ANKRD6: variants seen among roughly 807,000 people sequenced by gnomAD.
ANKRD6 encodes the protein ankyrin repeat domain-containing protein 6.
Under a neutral mutation model 82.3 loss-of-function variants are expected in ANKRD6, and 56 were observed. The ratio of observed to expected loss-of-function variants is 0.68; its 90% CI spans 0.55 to 0.85. ANKRD6 has a LOEUF of 0.85. Ranked by LOEUF, ANKRD6 falls within the 40% of genes least tolerant of loss-of-function variation. The probability of loss-of-function intolerance (pLI) is 0.00; values close to 1 mark genes in which losing one functional copy is unlikely to be tolerated. For missense variants in ANKRD6, 852 were observed against 907.6 expected, an observed-to-expected ratio of 0.94 and a Z score of 0.79; for synonymous variants, 347 against 352.1, an observed-to-expected ratio of 0.99 and a Z score of 0.16.
rs573155855 is a variant in ANKRD6 at position 89,544,279 on chromosome 6, G to A, written c.-143-22555G>A. 2.6e-5 allele frequency among the ~76,000 whole-genome samples: 4 copies of A among 152,336 alleles called. No homozygotes were observed. In the South Asian group the frequency reaches 6.2e-4, roughly 24 times the overall value. The stretch of plus-strand genomic sequence containing the variant: ...GCCGCAAGGAGCCATCCCAATGTCC[G>A]CAGACCAGCTTTAGGTGTCTGCCGG... On this transcript the variant is annotated intron_variant, in intron 1 of 15. Coordinates refer to ENST00000339746, the MANE Select transcript of ANKRD6 (RefSeq NM_001242809.2).
At position 89,630,665 on chromosome 6, in the gene ANKRD6, C is replaced by G; in HGVS notation, c.1845C>G (p.Asn615Lys). Reference sequence around the variant, plus strand: ...ATCAGCAGGCTGGGCCCTGCGTCAACAGAGGCACTCAAACTAAGAAGTCTG... The same window carrying G: ...ATCAGCAGGCTGGGCCCTGCGTCAAGAGAGGCACTCAAACTAAGAAGTCTG... ...RSDQQAGPCV[N>K]RGTQTKKSGK... The change falls in exon 16 of 16, where the codon AAC becomes AAG. Residue 615 changes from asparagine (N) to lysine (K), a missense_variant. By Grantham distance (94) the Asn-to-Lys change is moderately conservative. Coordinates refer to ENST00000339746, the MANE Select transcript of ANKRD6 (RefSeq NM_001242809.2). 1 of 1,613,992 alleles carries G rather than the reference C, an allele frequency of 6.2e-7. No homozygotes were observed. The highest frequency in any genetic ancestry group is 8.5e-7 in the Non-Finnish European group (1 of 1,179,868).
chr6:89,587,675 C>T (rs1285866007), intron 2 of ANKRD6, among the ~76,000 whole-genome samples: 1 of 152,234 alleles, frequency 6.6e-6, no homozygotes, highest in Non-Finnish European at 1.5e-5. Flanking sequence ...GAATTACCCT[C>T]TGCCCCCATT....
chr6:89,514,438 A>G (rs770227893), intron 1 of ANKRD6, among the ~76,000 whole-genome samples: 2 of 151,974 alleles, frequency 1.3e-5, no homozygotes, highest in Non-Finnish European at 2.9e-5. Flanking sequence ...CTCATCAGCT[A>G]TTGTTAGTGT....
At chr6:89,509,181 G>T (rs1369039771) in intron 1 of ANKRD6, 1 of 152,342 alleles carries the variant, frequency 6.6e-6, no homozygotes, top group Non-Finnish European at 1.5e-5. Flanking sequence ...TGTCTTGCTG[G>T]CAGCAAGTGG....
At chr6:89,611,423 C>T (rs1463552236) in intron 5 of ANKRD6, among the ~76,000 whole-genome samples, 2 of 152,202 alleles carry the variant, frequency 1.3e-5, no homozygotes, top group Non-Finnish European at 2.9e-5. Context: ...ACAATGTCAC[C>T]TATCACACGG....
chr6:89,435,977 A>G (rs1770590865), intron 1 of ANKRD6, among the ~76,000 whole-genome samples: 1 of 152,196 alleles, frequency 6.6e-6, no homozygotes, highest in Non-Finnish European at 1.5e-5. Context: ...TAAGGCAAAG[A>G]TTCTGAAACT....
chr6:89,608,224 C>T (rs1018164081), intron 5 of ANKRD6, among the ~76,000 whole-genome samples: 2 of 152,052 alleles, frequency 1.3e-5, no homozygotes, highest in African/African-American at 4.8e-5. Flanking sequence ...GAATTTCCCA[C>T]AGTGCACTGC....
chr6:89,485,945 C>T (rs56106315), intron 1 of ANKRD6, among the ~76,000 whole-genome samples: 9,063 of 152,010 alleles, frequency 0.06, 289 homozygotes, highest in South Asian at 0.13. Flanking sequence ...CTGAAGCATG[C>T]GTTTTAATTA....
chr6:89,628,934 A>G, intron 14 of ANKRD6, 178 bp from the exon 15 acceptor site: 2 of 634,150 alleles, frequency 3.2e-6, no homozygotes, highest in Non-Finnish European at 2.6e-6. Context: ...TGAGATTTGG[A>G]GGGGTCAAAT....
chr6:89,551,233 A>G (rs1785805868), intron 1 of ANKRD6, among the ~76,000 whole-genome samples: 2 of 152,176 alleles, frequency 1.3e-5, no homozygotes, highest in Admixed American at 1.3e-4. Flanking sequence ...ACCTATCGTC[A>G]GTAGCTGCAT....
In ANKRD6 at chr6:89,632,256, T is replaced by C. The variant is rs76045374; in HGVS notation, c.*1252T>C. On this transcript the variant is annotated 3_prime_UTR_variant, in exon 16 of 16. Transcript: ENST00000339746. ...AAAGAGAAGAAATGATTTATTAACA[T>C]GGGGACACCAAGAAAAACAAAGTAT... 6.6e-5 allele frequency: 10 copies of C among 152,354 alleles called. No homozygotes were observed. The highest frequency in any genetic ancestry group is 1.3e-4 in the Admixed American group (2 of 15,302). The allele number at this position is 152,354 out of a possible 1,614,324, so 9.4% of individuals were successfully genotyped here. A position where few individuals can be genotyped will look rare whatever the true frequency, so the allele number is the denominator to read the frequency against.
rs71024383 is a variant in ANKRD6 at position 89,578,286 on chromosome 6, C to CTTTTTTTTTTTTT, written c.120+11204_120+11216dup. On this transcript the variant is annotated intron_variant, in intron 2 of 15. Transcript: ENST00000339746. ...ATTAGCTTTTTCCCCCTCCCGCCTC[C>CTTTTTTTTTTTTT]TTTTTTTTTTTTTTTTTTTTTTTTT... is the stretch of plus-strand genomic sequence containing the variant. 8.4e-5 allele frequency among the ~76,000 whole-genome samples: 10 copies of CTTTTTTTTTTTTT among 119,098 alleles called. 5 individuals are homozygous for CTTTTTTTTTTTTT. Among genetic ancestry groups the CTTTTTTTTTTTTT allele is most frequent in the Non-Finnish European group, 3.4e-5 (2 of 58,470 alleles). The allele number at this position is 119,098 out of a possible 152,430, so 78.1% of individuals were successfully genotyped here.
intron 1 of ANKRD6, among the ~76,000 whole-genome samples, chr6:89,485,989 A>G (rs929465784): frequency 2.0e-5 from 3 of 152,244 alleles, no homozygotes; most frequent in Non-Finnish European, 2.9e-5. Context: ...TAATTTATTT[A>G]AAGAAAATTC....
chr6:89,492,338 G>A (rs1778112892), intron 1 of ANKRD6, among the ~76,000 whole-genome samples: 1 of 152,180 alleles, frequency 6.6e-6, no homozygotes, highest in Admixed American at 6.5e-5. Flanking sequence ...GTAATTCCTT[G>A]TTTGTAGAGG....
intron 1 of ANKRD6, among the ~76,000 whole-genome samples, chr6:89,438,688 G>A (rs1391808333): frequency 1.3e-5 from 2 of 151,966 alleles, no homozygotes; most frequent in Admixed American, 6.6e-5. Context: ...TGTTGCCTAG[G>A]CTGGAGTGCA....
chr6:89,497,566 G>A (rs756774772), intron 1 of ANKRD6, among the ~76,000 whole-genome samples: 1 of 152,076 alleles, frequency 6.6e-6, no homozygotes, highest in Non-Finnish European at 1.5e-5. Context: ...AAACTGTCTT[G>A]TTTTCTAAAT....
chr6:89,462,651 A>G (rs1432828484), intron 1 of ANKRD6, among the ~76,000 whole-genome samples: 1 of 152,146 alleles, frequency 6.6e-6, no homozygotes, highest in East Asian at 1.9e-4. Flanking sequence ...TCTGTCTTTC[A>G]TATTTAATAT....
chr6:89,632,922 T>C lies in ANKRD6; in HGVS notation c.*1918T>C, dbSNP rs1388767740. ...AAATCCTGAGTTCAGTAGGCTGTGT[T>C]CCAAGCAGGAATTATTTTCACTTAC... On this transcript the variant is annotated 3_prime_UTR_variant, in exon 16 of 16. Transcript: ENST00000339746. The C allele has an allele frequency of 1.3e-5, 2 of 152,226 alleles. No homozygotes were observed. The highest frequency in any genetic ancestry group is 1.3e-4 in the Admixed American group (2 of 15,286). The allele number at this position is 152,226 out of a possible 1,614,324, so 9.4% of individuals were successfully genotyped here.
rs188048039 is a variant in ANKRD6, at chr6:89,609,734, C to T, written c.418-2538C>T. On this transcript the variant is annotated intron_variant, in intron 5 of 15. Coordinates refer to ENST00000339746, the MANE Select transcript of ANKRD6 (RefSeq NM_001242809.2). Reference sequence around the variant, plus strand: ...TCAAGCTATTACGCTGCCTCAGCCTCCTGAGTAGCTGAGACTACAGGCACA... The same window carrying T: ...TCAAGCTATTACGCTGCCTCAGCCTTCTGAGTAGCTGAGACTACAGGCACA... 5.9e-3 allele frequency among the ~76,000 whole-genome samples: 895 copies of T among 152,264 alleles called. 2 individuals are homozygous for T. The highest frequency in any genetic ancestry group is 9.1e-3 in the Non-Finnish European group (618 of 68,020).
Sources: gnomAD v4.1 joint callset for allele counts (sites outside exome capture counted in the v4.1 genomes callset) on GRCh38, gnomAD v4.1.1 for gene constraint, MANE v1.5 for transcripts, NCBI Gene and HGNC (gene_info 2026-07-23, HGNC 2026-07-21) for gene names.